Variants in TMEM132B observed in about 807,000 individuals in gnomAD.
TMEM132B encodes transmembrane protein 132B.
A neutral mutation model predicts 90.8 loss-of-function variants in TMEM132B; 18 were observed. The ratio of observed to expected loss-of-function variants is 0.20; its 90% CI spans 0.14 to 0.29. The LOEUF is 0.29. TMEM132B is among the 10% of genes least tolerant of loss of function. TMEM132B has a pLI of 1.00. For missense variants in TMEM132B, 1,096 were observed against 1,326.8 expected (o/e 0.83, Z 2.70); for synonymous variants, 504 against 523.3 (o/e 0.96, Z 0.50).
At chr12:125,610,479 C>A (rs1815889707) in intron 5 of TMEM132B, among the ~76,000 whole-genome samples, 1 of 151,988 alleles carries the variant, frequency 6.6e-6, no homozygotes, top group Non-Finnish European at 1.5e-5. Flanking sequence ...TTGTCACGTG[C>A]TTTTTCTGTG....
At chr12:125,323,530 T>C (rs1327773690) in intron 1 of TMEM132B, among the ~76,000 whole-genome samples, 2 of 152,098 alleles carry the variant, frequency 1.3e-5, no homozygotes, top group Non-Finnish European at 2.9e-5. Context: ...TGTTTGTTTG[T>C]TTTTTGAGAC....
At chr12:125,203,712 A>C (rs1243969582) in intron 1 of TMEM132B, among the ~76,000 whole-genome samples, 1 of 152,238 alleles carries the variant, frequency 6.6e-6, no homozygotes, top group South Asian at 2.1e-4. Flanking sequence ...GATGTAAAGT[A>C]TAATTTTTTC....
At chr12:125,431,861 T>C (rs1012504452) in intron 3 of TMEM132B, among the ~76,000 whole-genome samples, 3 of 152,112 alleles carry the variant, frequency 2.0e-5, no homozygotes, top group African/African-American at 7.2e-5. Context: ...GGTCATGGGA[T>C]TCTTAGGGCT....
At chr12:125,393,918 G>A (rs1196885635) in intron 2 of TMEM132B, among the ~76,000 whole-genome samples, 3 of 152,290 alleles carry the variant, frequency 2.0e-5, no homozygotes, top group African/African-American at 4.8e-5. Context: ...TCTCCTATTG[G>A]TTGAACCCAA....
intron 1 of TMEM132B, among the ~76,000 whole-genome samples, chr12:125,288,336 G>A (rs1020046288): frequency 1.7e-4 from 25 of 151,446 alleles, no homozygotes; most frequent in Admixed American, 7.9e-4. Context: ...GGTGGTGCAC[G>A]CCTGTAATTC....
At chr12:125,621,920 A>G (rs1029888641) in intron 5 of TMEM132B, among the ~76,000 whole-genome samples, 4 of 152,194 alleles carry the variant, frequency 2.6e-5, no homozygotes, top group African/African-American at 9.7e-5. Context: ...TGTCTAGAAA[A>G]GTACTTTAAA....
intron 4 of TMEM132B, among the ~76,000 whole-genome samples, chr12:125,565,863 G>T (rs2136811948): frequency 6.6e-6 from 1 of 152,346 alleles, no homozygotes; most frequent in South Asian, 2.1e-4. Flanking sequence ...GTGAAAAAAG[G>T]AATGCCTGTT....
intron 4 of TMEM132B, among the ~76,000 whole-genome samples, chr12:125,576,778 T>C (rs779568171): frequency 3.3e-5 from 5 of 152,076 alleles, no homozygotes; most frequent in African/African-American, 7.2e-5. Context: ...ATTGATTAAT[T>C]TTCATATGTT....
intron 1 of TMEM132B, among the ~76,000 whole-genome samples, chr12:125,203,053 A>T (rs1204866546): frequency 6.6e-6 from 1 of 152,116 alleles, no homozygotes; most frequent in African/African-American, 2.4e-5. Context: ...GCTTGACTGA[A>T]ATCTAGGTTG....
intron 1 of TMEM132B, among the ~76,000 whole-genome samples, chr12:125,269,442 A>G (rs1246574903): frequency 1.3e-5 from 2 of 152,072 alleles, no homozygotes; most frequent in Non-Finnish European, 2.9e-5. Flanking sequence ...AAGATCAGAG[A>G]GCTGTTGAGA....
chr12:125,278,477 CTTT>C lies in TMEM132B; in HGVS notation c.68-70961_68-70959del, dbSNP rs35950577. Among the ~76,000 whole-genome samples, 308 of 141,512 alleles carry C rather than the reference CTTT, an allele frequency of 2.2e-3. 1 individual carries two copies. The highest frequency in any genetic ancestry group is 7.5e-3 in the African/African-American group (289 of 38,646). 92.8% of individuals were successfully genotyped at this position (141,512 alleles called of 152,430 possible). ...CCATGTCAAAAATGGGAATCTCCAT[CTTT>C]TTTTTTTTTTTTTAAGATAAATGGA... is the stretch of plus-strand genomic sequence containing the variant. On this transcript the variant is annotated intron_variant, in intron 1 of 8. Coordinates refer to ENST00000682704, the MANE Select transcript of TMEM132B (RefSeq NM_001366854.1).
At chr12:125,223,132 G>C (rs918973329) in intron 1 of TMEM132B, among the ~76,000 whole-genome samples, 1 of 152,244 alleles carries the variant, frequency 6.6e-6, no homozygotes, top group Non-Finnish European at 1.5e-5. Flanking sequence ...AGGGCACTTA[G>C]TGCTGGAAGA....
At chr12:125,488,382 T>C (rs1397875452) in intron 3 of TMEM132B, among the ~76,000 whole-genome samples, 1 of 152,210 alleles carries the variant, frequency 6.6e-6, no homozygotes, top group Non-Finnish European at 1.5e-5. Flanking sequence ...ATGGTTTTGC[T>C]GTGTCCTTAC....
chr12:125,455,722 C>T (rs1881274486), intron 3 of TMEM132B, among the ~76,000 whole-genome samples: 1 of 149,882 alleles, frequency 6.7e-6, no homozygotes, highest in Non-Finnish European at 1.5e-5. Flanking sequence ...TTGTATGTTT[C>T]ACTAATGATT....
At chr12:125,627,936 T>C (rs551223735) in intron 5 of TMEM132B, among the ~76,000 whole-genome samples, 1 of 152,330 alleles carries the variant, frequency 6.6e-6, no homozygotes, top group Non-Finnish European at 1.5e-5. Flanking sequence ...GTGCCTAGCT[T>C]ATTCACTTAA....
chr12:125,317,067 C>T (rs1876300965), intron 1 of TMEM132B, among the ~76,000 whole-genome samples: 2 of 152,118 alleles, frequency 1.3e-5, no homozygotes, highest in Non-Finnish European at 2.9e-5. Context: ...GATAGTGCCG[C>T]CTTCCCAACT....
At chr12:125,271,854 AT>A (rs1874845120) in intron 1 of TMEM132B, among the ~76,000 whole-genome samples, 1 of 152,082 alleles carries the variant, frequency 6.6e-6, no homozygotes, top group Non-Finnish European at 1.5e-5. Context: ...TTTAATACCT[AT>A]TTTTAAAAAT....
chr12:125,240,981 G>C (rs1234226134), intron 1 of TMEM132B, among the ~76,000 whole-genome samples: 2 of 152,236 alleles, frequency 1.3e-5, no homozygotes, highest in African/African-American at 4.8e-5. Flanking sequence ...CCAGAAGTGA[G>C]TGAACGGTGG....
intron 3 of TMEM132B, among the ~76,000 whole-genome samples, chr12:125,515,389 A>G (rs1100419): frequency 0.47 from 68,259 of 146,290 alleles, 18,313 homozygotes; most frequent in East Asian, 0.86. Context: ...TCTTTCACAC[A>G]TTCTCTCACA....
Sources: gnomAD v4.1 joint callset for allele counts (sites outside exome capture counted in the v4.1 genomes callset) on GRCh38, gnomAD v4.1.1 for gene constraint, MANE v1.5 for transcripts, NCBI Gene and HGNC (gene_info 2026-07-23, HGNC 2026-07-21) for gene names.